The following SORD variants were observed in gnomAD, a reference collection of about 807,000 sequenced individuals.
SORD encodes sorbitol dehydrogenase.
SORD carries 18 observed loss-of-function variants against 35.6 expected under a neutral mutation model. The observed-to-expected ratio is 0.51, with a 90% CI of 0.35 to 0.75. SORD has a LOEUF of 0.75. Ranked by LOEUF, SORD falls within the 30% of genes least tolerant of loss-of-function variation. The pLI, the probability that SORD is intolerant of heterozygous loss-of-function variation, is 0.01. For missense variants in SORD, 250 were observed against 390.2 expected (o/e 0.64, Z 3.03); for synonymous variants, 106 against 152.9 (o/e 0.69, Z 2.26).
intron 3 of SORD, among the ~76,000 whole-genome samples, chr15:45,052,414 G>T (rs575396501): frequency 6.6e-6 from 1 of 152,174 alleles, no homozygotes; most frequent in South Asian, 2.1e-4. Context: ...CATGGAGCCT[G>T]GTCCCTAATA....
At chr15:45,068,736 G>A (rs1893452010) in intron 6 of SORD, 141 bp from the exon 7 acceptor site, 2 of 989,902 alleles carry the variant, frequency 2.0e-6, no homozygotes, top group Non-Finnish European at 2.9e-6. Context: ...AAGAGTATGT[G>A]TGTTGGGCTC....
rs1397420034 is a variant in SORD at position 45,073,660 on chromosome 15, A to G, written c.*130A>G. 7 of 1,385,646 alleles carry G rather than the reference A, an allele frequency of 5.1e-6. No homozygotes were observed. In the Admixed American group the frequency reaches 1.3e-4, roughly 26 times the overall value. 85.8% of individuals were successfully genotyped at this position (1,385,646 alleles called of 1,614,324 possible). Reference sequence around the variant, plus strand: ...ATAACTAATACAATTCATTGTGAACAGAAGTCCTTAAGCAGAGGAATTGGT... The same window carrying G: ...ATAACTAATACAATTCATTGTGAACGGAAGTCCTTAAGCAGAGGAATTGGT... On this transcript the variant is annotated 3_prime_UTR_variant, in exon 9 of 9. Coordinates refer to ENST00000267814, the MANE Select transcript of SORD (RefSeq NM_003104.6).
chr15:45,070,153 C>A (rs1359158832), intron 7 of SORD: 1 of 152,168 alleles, frequency 6.6e-6, no homozygotes, highest in Non-Finnish European at 1.5e-5. Flanking sequence ...CAGGCCCAGG[C>A]CCAGCCCTGC....
chr15:45,062,516 G>C (rs1173590850), intron 4 of SORD, among the ~76,000 whole-genome samples: 7 of 151,888 alleles, frequency 4.6e-5, no homozygotes, highest in Non-Finnish European at 8.8e-5. Context: ...GTGGAGGCCA[G>C]GTGCCAGTCA....
At chr15:45,045,869 T>C (rs1385536023) in intron 3 of SORD, among the ~76,000 whole-genome samples, 2 of 151,966 alleles carry the variant, frequency 1.3e-5, no homozygotes, top group South Asian at 4.1e-4. Context: ...GGTGTGGTAG[T>C]GTGCACCTGC....
At chr15:45,026,395 A>T (rs1344197133) in intron 1 of SORD, among the ~76,000 whole-genome samples, 3 of 152,318 alleles carry the variant, frequency 2.0e-5, no homozygotes, top group Middle Eastern at 3.4e-3. Flanking sequence ...GGGGGAAAAA[A>T]GCCTTGGTTG....
At position 45,056,387 on chromosome 15, in the gene SORD, T is replaced by C. The variant is rs540144429; in HGVS notation, c.266-4680T>C. ...ATCATGAGTGAACTCCCATTCACAA[T>C]TGCTTCAAAGAGAATAAAATATCTA... On this transcript the variant is annotated intron_variant, in intron 3 of 8. Coordinates refer to ENST00000267814, the MANE Select transcript of SORD (RefSeq NM_003104.6). Among the ~76,000 whole-genome samples, 196 of 152,252 alleles carry C rather than the reference T, an allele frequency of 1.3e-3. 2 individuals carry two copies. The highest frequency in any genetic ancestry group is 3.4e-3 in the Middle Eastern group (1 of 294).
At chr15:45,035,902 C>T (rs1232891830) in intron 1 of SORD, among the ~76,000 whole-genome samples, 1 of 151,542 alleles carries the variant, frequency 6.6e-6, no homozygotes, top group African/African-American at 2.4e-5. Context: ...GAAGAAACTC[C>T]GAACACATCT....
At chr15:45,050,631 AGCCTTGGTAAAACAAC>A (rs1165767499) in intron 3 of SORD, 1 of 152,216 alleles carries the variant, frequency 6.6e-6, no homozygotes, top group Non-Finnish European at 1.5e-5. Context: ...TTCCAGTCAA[AGCCTTGGTAAAACAAC>A]TAGTTTCTCC....
In SORD at chr15:45,073,707, G is replaced by C. The variant is rs201602099; in HGVS notation, c.*177G>C. ...TGGTGTGCCTTAAAGATACAATCTGGGATAGTTTGGGGGAACTTGTAGCCA... is the reference window on the plus strand; with the variant it reads ...TGGTGTGCCTTAAAGATACAATCTGCGATAGTTTGGGGGAACTTGTAGCCA... On this transcript the variant is annotated 3_prime_UTR_variant, in exon 9 of 9. Coordinates refer to ENST00000267814, the MANE Select transcript of SORD (RefSeq NM_003104.6). The C allele has an allele frequency of 0.2, 163,487 of 808,060 alleles. 1,765 individuals are homozygous for C. The highest frequency in any genetic ancestry group is 0.4 in the African/African-American group (18,530 of 45,856). 50.1% of individuals were successfully genotyped at this position (808,060 alleles called of 1,614,324 possible).
chr15:45,036,664 T>G (rs751277613), intron 1 of SORD, among the ~76,000 whole-genome samples: 1 of 152,188 alleles, frequency 6.6e-6, no homozygotes, highest in Non-Finnish European at 1.5e-5. Flanking sequence ...ATCGTGCCAC[T>G]GCACTGTAGC....
chr15:45,032,689 G>A (rs1892805358), intron 1 of SORD, among the ~76,000 whole-genome samples: 1 of 152,144 alleles, frequency 6.6e-6, no homozygotes. Context: ...GTTGAATGGA[G>A]CCAGGAGAGC....
At chr15:45,024,668 C>T (rs1165567012) in intron 1 of SORD, among the ~76,000 whole-genome samples, 1 of 152,030 alleles carries the variant, frequency 6.6e-6, no homozygotes, top group Non-Finnish European at 1.5e-5. Context: ...GAAAGTGGTC[C>T]AGCTCTACCC....
At chr15:45,042,110 G>C (rs1457277449) in intron 2 of SORD, among the ~76,000 whole-genome samples, 1 of 152,082 alleles carries the variant, frequency 6.6e-6, no homozygotes, top group African/African-American at 2.4e-5. Flanking sequence ...TTTTCAGGGA[G>C]GTATTCATAA....
chr15:45,052,993 A>G (rs1434579296), intron 3 of SORD, among the ~76,000 whole-genome samples: 1 of 152,198 alleles, frequency 6.6e-6, no homozygotes, highest in Non-Finnish European at 1.5e-5. Context: ...GCTGAGATAG[A>G]ACAGCAGTTG....
At chr15:45,065,542 A>G (rs1189531960) in intron 5 of SORD, among the ~76,000 whole-genome samples, 153 bp downstream of exon 5, 2 of 152,248 alleles carry the variant, frequency 1.3e-5, no homozygotes, top group Non-Finnish European at 2.9e-5. Context: ...AGTGACTAGC[A>G]CTTTGCTAAA....
intron 2 of SORD, among the ~76,000 whole-genome samples, chr15:45,041,450 C>G (rs1244609392): frequency 2.0e-5 from 3 of 152,014 alleles, no homozygotes; most frequent in Non-Finnish European, 2.9e-5. Context: ...TTTGTCCTAC[C>G]TCACACCAGA....
intron 1 of SORD, among the ~76,000 whole-genome samples, chr15:45,025,295 G>T (rs1214310187): frequency 1.3e-5 from 2 of 152,168 alleles, no homozygotes; most frequent in African/African-American, 4.8e-5. Context: ...TCATTTACTA[G>T]TCAGAGTAGA....
intron 1 of SORD, among the ~76,000 whole-genome samples, chr15:45,039,169 C>T (rs1186197922): frequency 5.3e-5 from 8 of 151,954 alleles, no homozygotes; most frequent in Non-Finnish European, 7.4e-5. Flanking sequence ...TACCCTGTCA[C>T]GCAGGCTGAA....
Sources: gnomAD v4.1 joint callset for allele counts (sites outside exome capture counted in the v4.1 genomes callset) on GRCh38, gnomAD v4.1.1 for gene constraint, MANE v1.5 for transcripts, NCBI Gene and HGNC (gene_info 2026-07-23, HGNC 2026-07-21) for gene names.